ELAPOR2: variants seen among roughly 807,000 people sequenced by gnomAD.
ELAPOR2 encodes the protein endosome-lysosome associated apoptosis and autophagy regulator family member 2.
In ELAPOR2, 89 loss-of-function variants were observed where a neutral mutation model predicts 120.7. That is an observed-to-expected ratio of 0.74 (90% CI 0.62 to 0.88). ELAPOR2 has a LOEUF of 0.88. Ranked by LOEUF, ELAPOR2 falls within the 40% of genes least tolerant of loss-of-function variation. ELAPOR2 has a pLI of 0.00. For missense variants in ELAPOR2, 1,134 were observed against 1,251.6 expected, an observed-to-expected ratio of 0.91 and a Z score of 1.42; for synonymous variants, 444 against 444.9, an observed-to-expected ratio of 1.00 and a Z score of 0.03.
At chr7:86,886,514 A>G (rs530708449) in intron 21 of ELAPOR2, among the ~76,000 whole-genome samples, 1 of 152,226 alleles carries the variant, frequency 6.6e-6, no homozygotes, top group Admixed American at 6.5e-5. Context: ...TTTTAGACTC[A>G]TTACCTCTTG....
At chr7:86,968,667 T>C (rs555501243) in intron 1 of ELAPOR2, among the ~76,000 whole-genome samples, 1 of 152,318 alleles carries the variant, frequency 6.6e-6, no homozygotes, top group East Asian at 1.9e-4. Context: ...CATCCAATAA[T>C]CTTTTCTGCC....
At chr7:86,939,081 T>C in intron 6 of ELAPOR2, 121 bp from the exon 7 acceptor site, 1 of 998,120 alleles carries the variant, frequency 1.0e-6, no homozygotes, top group Non-Finnish European at 1.5e-6. Flanking sequence ...TCAGCCCAAA[T>C]CTTTTATCTT....
intron 1 of ELAPOR2, among the ~76,000 whole-genome samples, chr7:87,041,159 G>A (rs1794772912): frequency 6.6e-6 from 1 of 152,106 alleles, no homozygotes; most frequent in Non-Finnish European, 1.5e-5. Flanking sequence ...AAAGGGATGG[G>A]CAGAATGGAA....
At chr7:86,905,066 AGAGAGAAGGAAGGAAGGAAG>A (rs1241769225) in intron 18 of ELAPOR2, among the ~76,000 whole-genome samples, 9 of 123,028 alleles carry the variant, frequency 7.3e-5, no homozygotes, top group African/African-American at 2.4e-4. Flanking sequence ...AAAGACAGAG[AGAGAGAAGGAAGGAAGGAAG>A]GAAGGAAGGA....
chr7:87,034,814 G>A (rs1321496038), intron 1 of ELAPOR2, among the ~76,000 whole-genome samples: 1 of 152,146 alleles, frequency 6.6e-6, no homozygotes, highest in East Asian at 1.9e-4. Flanking sequence ...CAGGCGCAGT[G>A]GCTCACGACT....
rs1194049163 is a variant in ELAPOR2, at chr7:86,947,911, C to A, written c.322G>T (p.Ala108Ser). The change falls in exon 3 of 22, where the codon GCT becomes TCT. Residue 108 changes from alanine (A) to serine (S), a missense_variant. By Grantham distance (99) the Ala-to-Ser change is moderately conservative (BLOSUM62 1). Coordinates refer to ENST00000450689, the MANE Select transcript of ELAPOR2 (RefSeq NM_001142749.3). ...TTCATTTCTAGATACTCTCCAGAAG[C>A]ACAGGAGAAAGCTGGAAGGCAGAAG... ...VRGKECTFSCASGEYLEMKNQ... is the reference protein window; with the variant it reads ...VRGKECTFSCSSGEYLEMKNQ... The A allele has an allele frequency of 6.4e-7, 1 of 1,550,908 alleles. No individual in the cohort carries two copies. Among genetic ancestry groups the A allele is most frequent in the South Asian group, 1.2e-5 (1 of 83,970 alleles).
chr7:86,982,769 C>T (rs559787890), intron 1 of ELAPOR2, among the ~76,000 whole-genome samples: 37 of 152,282 alleles, frequency 2.4e-4, no homozygotes, highest in African/African-American at 8.4e-4. Flanking sequence ...AAAAACAGAG[C>T]ACCTCTTCTC....
At chr7:86,948,455 A>C (rs918609630) in intron 2 of ELAPOR2, among the ~76,000 whole-genome samples, 2 of 152,202 alleles carry the variant, frequency 1.3e-5, no homozygotes, top group Non-Finnish European at 2.9e-5. Flanking sequence ...AAGGATCATT[A>C]TTTTTGGATT....
At chr7:86,906,866 C>T (rs1035131332) in intron 18 of ELAPOR2, among the ~76,000 whole-genome samples, 1 of 150,732 alleles carries the variant, frequency 6.6e-6, no homozygotes, top group Non-Finnish European at 1.5e-5. Flanking sequence ...CCCATCTCTA[C>T]AAAAAATTTA....
At chr7:86,915,137 T>A (rs1475981087) in intron 12 of ELAPOR2, among the ~76,000 whole-genome samples, 2 of 152,114 alleles carry the variant, frequency 1.3e-5, no homozygotes, top group African/African-American at 2.4e-5. Flanking sequence ...TTTTTGTTTT[T>A]ATTTTCTATT....
At chr7:86,919,064 A>G (rs1789698908) in intron 11 of ELAPOR2, among the ~76,000 whole-genome samples, 156 bp downstream of exon 11, 1 of 152,146 alleles carries the variant, frequency 6.6e-6, no homozygotes, top group African/African-American at 2.4e-5. Flanking sequence ...TTCTACAGAT[A>G]TTCTTCAATA....
intron 1 of ELAPOR2, among the ~76,000 whole-genome samples, chr7:87,021,094 A>G (rs994394657): frequency 2.6e-5 from 4 of 152,138 alleles, no homozygotes; most frequent in African/African-American, 9.7e-5. Context: ...AACACAGAAT[A>G]AAGTGACTAG....
At chr7:86,983,868 C>A (rs971655815) in intron 1 of ELAPOR2, among the ~76,000 whole-genome samples, 1 of 152,012 alleles carries the variant, frequency 6.6e-6, no homozygotes, top group Non-Finnish European at 1.5e-5. Context: ...GGCTAGATAC[C>A]CCAATTAAAA....
chr7:87,006,370 G>T (rs758469758), intron 1 of ELAPOR2, among the ~76,000 whole-genome samples: 1 of 149,684 alleles, frequency 6.7e-6, no homozygotes, highest in Non-Finnish European at 1.5e-5. Context: ...AAAAAGGCCT[G>T]TTGGGGGGTG....
intron 1 of ELAPOR2, among the ~76,000 whole-genome samples, chr7:86,997,619 G>C (rs1470690474): frequency 6.6e-6 from 1 of 152,156 alleles, no homozygotes; most frequent in East Asian, 1.9e-4. Context: ...AAAGGTGATA[G>C]GTTTTCAGAT....
At chr7:86,965,196 G>A (rs113323224) in intron 1 of ELAPOR2, among the ~76,000 whole-genome samples, 172 bp from the exon 2 acceptor site, 1 of 152,160 alleles carries the variant, frequency 6.6e-6, no homozygotes, top group Non-Finnish European at 1.5e-5. Context: ...TATGGTGCTA[G>A]ACACAGAGTA....
Position 86,940,053 on chromosome 7 carries a change from A to G in ELAPOR2, c.804T>C (p.Ser268=). Reference sequence around the variant, plus strand: ...TTACCAGCACAGGCTTGACCGCCTTAGAACCCATAAGGATGCCTGTAGTTC... The same window carrying G: ...TTACCAGCACAGGCTTGACCGCCTTGGAACCCATAAGGATGCCTGTAGTTC... The part of the protein sequence containing the change: ...YWRTTGILMG[S]KAVKPVLVKN... The change falls in exon 6 of 22, where the codon TCT becomes TCC. Residue 268 remains serine (S), a synonymous_variant. Coordinates refer to ENST00000450689, the MANE Select transcript of ELAPOR2 (RefSeq NM_001142749.3). The G allele has an allele frequency of 6.2e-7, 1 of 1,612,424 alleles. No homozygotes were observed. The highest frequency in any genetic ancestry group is 8.5e-7 in the Non-Finnish European group (1 of 1,178,912).
chr7:86,944,150 T>C (rs1007365816), intron 4 of ELAPOR2, among the ~76,000 whole-genome samples: 2 of 152,112 alleles, frequency 1.3e-5, no homozygotes, highest in South Asian at 2.1e-4. Context: ...CTCCCATCTA[T>C]AAGCACAACA....
chr7:86,907,613 A>G (rs1489444682), intron 18 of ELAPOR2, 57 bp downstream of exon 18: 1 of 1,048,572 alleles, frequency 9.5e-7, no homozygotes, highest in Admixed American at 2.5e-5. Flanking sequence ...AAATAGTAAC[A>G]TTCTGGAGAG....
Sources: gnomAD v4.1 joint callset for allele counts (sites outside exome capture counted in the v4.1 genomes callset) on GRCh38, gnomAD v4.1.1 for gene constraint, MANE v1.5 for transcripts, NCBI Gene and HGNC (gene_info 2026-07-23, HGNC 2026-07-21) for gene names.